Variants in CACUL1 observed in about 807,000 individuals in gnomAD.
CACUL1 encodes CDK2 associated cullin domain 1.
CACUL1 carries 13 observed loss-of-function variants against 45.2 expected under a neutral mutation model. That is an observed-to-expected ratio of 0.29 (90% CI 0.19 to 0.46). CACUL1 has a LOEUF of 0.46. Ranked by LOEUF, CACUL1 falls within the 20% of genes least tolerant of loss-of-function variation. The pLI is 1.00. For synonymous variants in CACUL1, 197 were observed against 174.2 expected (o/e 1.13, Z -1.03); for missense variants, 421 against 471.4 (o/e 0.89, Z 0.99).
chr10:118,719,104 A>G (rs1420628776), intron 3 of CACUL1, among the ~76,000 whole-genome samples: 1 of 152,242 alleles, frequency 6.6e-6, no homozygotes, highest in Non-Finnish European at 1.5e-5. Context: ...ACCTAGTAGA[A>G]AAGGCAGATA....
intron 1 of CACUL1, among the ~76,000 whole-genome samples, chr10:118,740,014 G>A (rs1004438661): frequency 3.3e-5 from 5 of 152,058 alleles, no homozygotes; most frequent in African/African-American, 1.2e-4. Context: ...GGGTGTGGTG[G>A]CATGCGCCTA....
In CACUL1 at chr10:118,737,355, T is replaced by C. The variant is rs547330346; in HGVS notation, c.368-6945A>G. Among the ~76,000 whole-genome samples, 32 of 152,312 alleles carry C rather than the reference T, an allele frequency of 2.1e-4. No individual in the cohort carries two copies. In the South Asian group the frequency reaches 6.4e-3, roughly 31 times the overall value. On this transcript the variant is annotated intron_variant, in intron 1 of 8. Coordinates refer to ENST00000369151, the MANE Select transcript of CACUL1 (RefSeq NM_153810.5). Reference sequence around the variant, plus strand: ...GTCTACTGTGATCATGAGTTAGTCATTCCTCAGTATATTCATTACATTCAG... The same window carrying C: ...GTCTACTGTGATCATGAGTTAGTCACTCCTCAGTATATTCATTACATTCAG...
chr10:118,753,070 T>C (rs1845912785), intron 1 of CACUL1, among the ~76,000 whole-genome samples: 1 of 152,240 alleles, frequency 6.6e-6, no homozygotes. Context: ...TATGCTCTTT[T>C]TTGAACTCTT....
intron 1 of CACUL1, among the ~76,000 whole-genome samples, chr10:118,741,587 C>A (rs144752455): frequency 1.2e-3 from 190 of 152,224 alleles, no homozygotes; most frequent in African/African-American, 4.3e-3. Flanking sequence ...CCTTTCCTCA[C>A]CCCCAAAATT....
At chr10:118,749,125 A>G (rs1027721308) in intron 1 of CACUL1, among the ~76,000 whole-genome samples, 2 of 152,226 alleles carry the variant, frequency 1.3e-5, no homozygotes, top group African/African-American at 4.8e-5. Flanking sequence ...AAATAATTAA[A>G]TATAATTACT....
At chr10:118,745,544 G>C (rs1009446285) in intron 1 of CACUL1, among the ~76,000 whole-genome samples, 3 of 151,766 alleles carry the variant, frequency 2.0e-5, no homozygotes, top group Non-Finnish European at 2.9e-5. Flanking sequence ...CTGGGCGACA[G>C]AGTGAGACTC....
At chr10:118,713,206 C>A (rs1169228183) in intron 3 of CACUL1, among the ~76,000 whole-genome samples, 1 of 152,240 alleles carries the variant, frequency 6.6e-6, no homozygotes, top group South Asian at 2.1e-4. Context: ...AGCACCTGGG[C>A]TCGCCCCCAA....
At chr10:118,725,666 C>CA (rs1408308496) in intron 3 of CACUL1, among the ~76,000 whole-genome samples, 1 of 151,368 alleles carries the variant, frequency 6.6e-6, no homozygotes, top group African/African-American at 2.4e-5. Flanking sequence ...AACAACACAA[C>CA]AAAAAAAACT....
chr10:118,730,283 C>A lies in CACUL1; in HGVS notation c.494+1G>T, dbSNP rs1368083737. On this transcript the variant is annotated splice_donor_variant, in intron 2 of 8. Coordinates refer to ENST00000369151, the MANE Select transcript of CACUL1 (RefSeq NM_153810.5). LOFTEE classifies it high-confidence loss of function. ...CCCAAGCAAATTAAATCTTAACTTA[C>A]CTGTATATCTGTTCATAGGATATGG... 1 of 1,613,574 alleles carries A rather than the reference C, an allele frequency of 6.2e-7. No homozygotes were observed. Among genetic ancestry groups the A allele is most frequent in the Non-Finnish European group, 8.5e-7 (1 of 1,179,710 alleles).
At chr10:118,754,274 G>A (rs1845930237) in intron 1 of CACUL1, 122 bp downstream of exon 1, 3 of 1,368,092 alleles carry the variant, frequency 2.2e-6, no homozygotes, top group Admixed American at 3.2e-5. Flanking sequence ...GAAGGCGGAC[G>A]GGGAGAAGAG....
intron 5 of CACUL1, among the ~76,000 whole-genome samples, chr10:118,696,251 C>T (rs1845321048): frequency 6.6e-6 from 1 of 152,098 alleles, no homozygotes; most frequent in Admixed American, 6.6e-5. Context: ...TTTTGGCTCC[C>T]CTGGCCCACA....
Position 118,754,896 on chromosome 10 carries a change from C to G in CACUL1, c.-134G>C, listed in dbSNP as rs1845942604. 1 of 1,260,116 alleles carries G rather than the reference C, an allele frequency of 7.9e-7. No individual in the cohort carries two copies. The highest frequency in any genetic ancestry group is 1.1e-6 in the Non-Finnish European group (1 of 931,102). 78.1% of individuals were successfully genotyped at this position (1,260,116 alleles called of 1,614,324 possible). ...GGGCGCAGCGGAGAGGGCTGCGGTG[C>G]GCAGGGTCTCTCGCTCTCCGCGGGG... On this transcript the variant is annotated 5_prime_UTR_variant, in exon 1 of 9. Transcript: ENST00000369151.
At chr10:118,744,285 C>A (rs918089279) in intron 1 of CACUL1, among the ~76,000 whole-genome samples, 1 of 152,140 alleles carries the variant, frequency 6.6e-6, no homozygotes, top group Non-Finnish European at 1.5e-5. Flanking sequence ...ACTCAGGAGG[C>A]TGGGGCAGGA....
chr10:118,689,151 ACTT>A (rs1317798627), intron 7 of CACUL1, among the ~76,000 whole-genome samples: 8 of 152,244 alleles, frequency 5.3e-5, no homozygotes, highest in Non-Finnish European at 8.8e-5. Flanking sequence ...AGTAGACACC[ACTT>A]CTTCTAAAAT....
chr10:118,727,919 A>T (rs893544911), intron 3 of CACUL1, among the ~76,000 whole-genome samples: 5 of 152,174 alleles, frequency 3.3e-5, no homozygotes, highest in Non-Finnish European at 7.3e-5. Context: ...AAAGCAAATC[A>T]CTCAAAAGCT....
At position 118,684,439 on chromosome 10, in the gene CACUL1, T is replaced by C. The variant is rs2119535598; in HGVS notation, c.*1689A>G. 1 of 152,366 alleles carries C rather than the reference T, an allele frequency of 6.6e-6. No homozygotes were observed. The highest frequency in any genetic ancestry group is 1.9e-4 in the East Asian group (1 of 5,192). The allele number at this position is 152,366 out of a possible 1,614,324, so 9.4% of individuals were successfully genotyped here. ...GTAGCAACTTAAACTGTCCAGGTCATAGTGAGAGCCTGTCTATGTTCTTAC... is the reference window on the plus strand; with the variant it reads ...GTAGCAACTTAAACTGTCCAGGTCACAGTGAGAGCCTGTCTATGTTCTTAC... On this transcript the variant is annotated 3_prime_UTR_variant, in exon 9 of 9. Transcript: ENST00000369151.
At chr10:118,712,363 A>AGG (rs1845494799) in intron 3 of CACUL1, among the ~76,000 whole-genome samples, 1 of 152,266 alleles carries the variant, frequency 6.6e-6, no homozygotes, top group Non-Finnish European at 1.5e-5. Flanking sequence ...AGAGGGAGTC[A>AGG]CAGCCCTGGC....
intron 1 of CACUL1, among the ~76,000 whole-genome samples, chr10:118,744,515 A>T (rs1303553374): frequency 6.6e-6 from 1 of 152,274 alleles, no homozygotes; most frequent in Non-Finnish European, 1.5e-5. Context: ...CTTAATGGGT[A>T]TGGAATGTTA....
chr10:118,750,824 G>A (rs539443881), intron 1 of CACUL1, among the ~76,000 whole-genome samples: 1 of 152,040 alleles, frequency 6.6e-6, no homozygotes, highest in African/African-American at 2.4e-5. Flanking sequence ...AAGACATTCC[G>A]TTACTATTTT....
Sources: allele counts gnomAD v4.1 joint callset (sites outside exome capture counted in the v4.1 genomes callset), GRCh38; gene constraint gnomAD v4.1.1; transcripts MANE v1.5; gene names NCBI Gene and HGNC (gene_info 2026-07-23, HGNC 2026-07-21).